The following SLC4A10 variants were observed in gnomAD, a reference collection of about 807,000 sequenced individuals.
SLC4A10 encodes the protein sodium-driven chloride bicarbonate exchanger.
SLC4A10 carries 42 observed loss-of-function variants against 137.7 expected under a neutral mutation model. That is an observed-to-expected ratio of 0.30 (90% CI 0.24 to 0.39). The LOEUF (loss-of-function observed/expected upper bound fraction) is 0.39, where lower values mean the gene tolerates loss of function less well. Among genes scored for constraint, SLC4A10 ranks in the 10% least tolerant of loss-of-function variants. The probability of loss-of-function intolerance (pLI) is 1.00; values close to 1 mark genes in which losing one functional copy is unlikely to be tolerated. For synonymous variants in SLC4A10, 474 were observed against 464.1 expected, an observed-to-expected ratio of 1.02 and a Z score of -0.27; for missense variants, 925 against 1,355.0, an observed-to-expected ratio of 0.68 and a Z score of 4.98.
chr2:161,859,594 C>CTTTTCTTTT (rs2060300861), intron 5 of SLC4A10, among the ~76,000 whole-genome samples: 16 of 47,286 alleles, frequency 3.4e-4, no homozygotes, highest in East Asian at 3.3e-3. Flanking sequence ...CTTTTCTTTT[C>CTTTTCTTTT]TTTTTTTTTT....
At chr2:161,899,023 A>G (rs1339120740) in intron 11 of SLC4A10, among the ~76,000 whole-genome samples, 1 of 152,008 alleles carries the variant, frequency 6.6e-6, no homozygotes, top group East Asian at 1.9e-4. Flanking sequence ...TTTCCCTAAG[A>G]AATTTGAAAC....
intron 11 of SLC4A10, among the ~76,000 whole-genome samples, chr2:161,900,451 C>T (rs1472022801): frequency 6.6e-6 from 1 of 152,114 alleles, no homozygotes; most frequent in Non-Finnish European, 1.5e-5. Context: ...CACCTCCTCA[C>T]GCCAACCTAC....
intron 1 of SLC4A10, among the ~76,000 whole-genome samples, chr2:161,755,168 A>G (rs1334947584): frequency 1.3e-5 from 2 of 152,202 alleles, no homozygotes; most frequent in African/African-American, 4.8e-5. Flanking sequence ...CTTAATCGGT[A>G]TGCAGTTTTC....
chr2:161,905,058 T>C, intron 14 of SLC4A10, 149 bp downstream of exon 14: 2 of 707,656 alleles, frequency 2.8e-6, no homozygotes, highest in South Asian at 5.8e-5. Context: ...ATCATGGGAA[T>C]AGAGGAAAAG....
intron 21 of SLC4A10, among the ~76,000 whole-genome samples, chr2:161,959,728 T>C (rs1696302298): frequency 6.6e-6 from 1 of 152,234 alleles, no homozygotes; most frequent in Admixed American, 6.5e-5. Context: ...TGTTAGAGGC[T>C]ATCCACTACT....
intron 1 of SLC4A10, among the ~76,000 whole-genome samples, chr2:161,629,056 G>A (rs2033026966): frequency 6.6e-6 from 1 of 151,914 alleles, no homozygotes; most frequent in Non-Finnish European, 1.5e-5. Context: ...ATAGATTGCA[G>A]TGTATTACGA....
At chr2:161,665,780 G>A (rs905666224) in intron 1 of SLC4A10, among the ~76,000 whole-genome samples, 1 of 151,228 alleles carries the variant, frequency 6.6e-6, no homozygotes, top group African/African-American at 2.4e-5. Context: ...GATTTGAATG[G>A]TAATCTTGGA....
intron 1 of SLC4A10, among the ~76,000 whole-genome samples, chr2:161,646,771 AT>A: frequency 6.6e-6 from 1 of 152,022 alleles, no homozygotes; most frequent in Non-Finnish European, 1.5e-5. Context: ...AATTAGACAT[AT>A]CCAGTGCCAT....
intron 2 of SLC4A10, among the ~76,000 whole-genome samples, chr2:161,790,697 C>A (rs975468296): frequency 6.6e-6 from 1 of 152,112 alleles, no homozygotes; most frequent in East Asian, 1.9e-4. Context: ...CACCTGTGCA[C>A]ATCTTATAAT....
chr2:161,753,839 C>T (rs1412891883), intron 1 of SLC4A10, among the ~76,000 whole-genome samples: 2 of 151,038 alleles, frequency 1.3e-5, no homozygotes, highest in Non-Finnish European at 3.0e-5. Flanking sequence ...GCTCACTTTA[C>T]TGTTAAATAA....
chr2:161,819,336 A>G (rs2057410278), intron 3 of SLC4A10, among the ~76,000 whole-genome samples: 1 of 152,132 alleles, frequency 6.6e-6, no homozygotes, highest in Admixed American at 6.6e-5. Context: ...TGTTTTGCTC[A>G]TACAAAAAAC....
chr2:161,632,756 G>A lies in SLC4A10; in HGVS notation c.48+8190G>A, dbSNP rs1016727767. ...TTAAAGGGTAGCACTAAGGAAACCA[G>A]CATTTAAAAAAACCTCTAGGTGATT... On this transcript the variant is annotated intron_variant, in intron 1 of 26. Transcript: ENST00000446997. 4.0e-5 allele frequency among the ~76,000 whole-genome samples: 6 copies of A among 151,356 alleles called. No homozygotes were observed. The South Asian group carries it at 8.3e-4, about 21-fold the overall frequency.
intron 1 of SLC4A10, among the ~76,000 whole-genome samples, chr2:161,654,825 G>A (rs2037289102): frequency 6.6e-6 from 1 of 151,936 alleles, no homozygotes; most frequent in Non-Finnish European, 1.5e-5. Flanking sequence ...CTCCAGTTTT[G>A]CTCTTTTTTC....
At chr2:161,712,870 T>G (rs1270311505) in intron 1 of SLC4A10, among the ~76,000 whole-genome samples, 1 of 151,822 alleles carries the variant, frequency 6.6e-6, no homozygotes, top group African/African-American at 2.4e-5. Context: ...ATAATGCAAT[T>G]TTTAAAAACA....
In SLC4A10 at chr2:161,900,936, C is replaced by G. The variant is rs777019496; in HGVS notation, c.1367C>G (p.Pro456Arg). The G allele has an allele frequency of 6.4e-7, 1 of 1,561,518 alleles. No homozygotes were observed. Among genetic ancestry groups the G allele is most frequent in the Non-Finnish European group, 8.7e-7 (1 of 1,152,466 alleles). Residue 456 changes from proline to arginine, a missense_variant, in exon 12 of 27, where the codon CCA (proline) becomes CGA (arginine). By Grantham distance (103) the Pro-to-Arg change is moderately radical. This residue lies in a region of SLC4A10 where 61 missense variants were observed against 59.0 expected (regional missense o/e 1.03). Coordinates refer to ENST00000446997, the MANE Select transcript of SLC4A10 (RefSeq NM_001178015.2). ...GAGAAGAGGAAGATTCCTGCTGTAC[C>G]AAATGGAACAGCAGCTCATGGGGAA... ...SQEKRKIPAVPNGTAAHGEAE... is the reference protein window; with the variant it reads ...SQEKRKIPAVRNGTAAHGEAE...
chr2:161,804,438 T>G lies in SLC4A10; in HGVS notation c.131-11T>G. 6.2e-7 allele frequency: 1 copy of G among 1,607,140 alleles called. No homozygotes were observed. The highest frequency in any genetic ancestry group is 8.5e-7 in the Non-Finnish European group (1 of 1,176,704). On this transcript the variant is annotated splice_polypyrimidine_tract_variant and intron_variant, in intron 2 of 26. Transcript: ENST00000446997. The stretch of plus-strand genomic sequence containing the variant: ...TCAGAGTTTAATTTGTGGGTTTGCT[T>G]CCTTATGAAGGTCATCGAACACTAT...
chr2:161,678,444 A>G, intron 1 of SLC4A10, among the ~76,000 whole-genome samples: 1 of 152,208 alleles, frequency 6.6e-6, no homozygotes, highest in Admixed American at 6.6e-5. Flanking sequence ...TGCCAAAGTG[A>G]GAGACGACAC....
At chr2:161,866,459 G>A (rs546773920) in intron 6 of SLC4A10, among the ~76,000 whole-genome samples, 1 of 151,960 alleles carries the variant, frequency 6.6e-6, no homozygotes, top group East Asian at 1.9e-4. Flanking sequence ...AGGATGCTAT[G>A]GATTCACCAT....
intron 15 of SLC4A10, among the ~76,000 whole-genome samples, chr2:161,937,584 G>T (rs1429163860): frequency 6.6e-6 from 1 of 152,058 alleles, no homozygotes; most frequent in Non-Finnish European, 1.5e-5. Flanking sequence ...CTTTTTTATA[G>T]TACATTTTAC....
Sources: allele counts gnomAD v4.1 joint callset (sites outside exome capture counted in the v4.1 genomes callset), GRCh38; gene constraint gnomAD v4.1.1; regional missense constraint gnomAD v4.1.1; transcripts MANE v1.5; gene names NCBI Gene and HGNC (gene_info 2026-07-23, HGNC 2026-07-21).